Variants in GUCY1A1 observed in about 807,000 individuals in gnomAD.
GUCY1A1 encodes the protein guanylate cyclase 1 soluble subunit alpha 1.
Under a neutral mutation model 64.5 loss-of-function variants are expected in GUCY1A1, and 48 were observed. That is an observed-to-expected ratio of 0.74 (90% CI 0.59 to 0.95). The LOEUF (loss-of-function observed/expected upper bound fraction) is 0.95, where lower values mean the gene tolerates loss of function less well. GUCY1A1 is among the 40% of genes least tolerant of loss of function. GUCY1A1 has a pLI of 0.00. For synonymous variants in GUCY1A1, 308 were observed against 303.4 expected (o/e 1.02, Z -0.16); for missense variants, 804 against 825.3 (o/e 0.97, Z 0.32).
chr4:155,698,043 A>G (rs972870787), intron 3 of GUCY1A1, among the ~76,000 whole-genome samples: 1 of 152,242 alleles, frequency 6.6e-6, no homozygotes, highest in African/African-American at 2.4e-5. Context: ...GCAAAGCACC[A>G]AAGAAACATG....
At chr4:155,696,675 C>CT (rs1174559287) in intron 2 of GUCY1A1, 81 bp from the exon 3 acceptor site, 1 of 497,354 alleles carries the variant, frequency 2.0e-6, no homozygotes, top group African/African-American at 1.9e-5. Context: ...ATGACTATTG[C>CT]TTTTGCTCAC....
intron 2 of GUCY1A1, among the ~76,000 whole-genome samples, chr4:155,690,415 A>G (rs1729579458): frequency 6.6e-6 from 1 of 152,120 alleles, no homozygotes; most frequent in African/African-American, 2.4e-5. Context: ...TTTTCATTCT[A>G]CATTCCAAAT....
Position 155,732,716 on chromosome 4 carries a change from T to C in GUCY1A1, c.*2485T>C, listed in dbSNP as rs1325839533. ...CTGTAATCAGGTTGGGGATTACGGG[T>C]ACTGAGTTATGTTGCCATTTAACTA... On this transcript the variant is annotated 3_prime_UTR_variant, in exon 10 of 10. Coordinates refer to ENST00000506455, the MANE Select transcript of GUCY1A1 (RefSeq NM_001130682.3). Among the ~76,000 whole-genome samples, 1 of 151,816 alleles carries C rather than the reference T, an allele frequency of 6.6e-6. No individual in the cohort carries two copies. The highest frequency in any genetic ancestry group is 2.4e-5 in the African/African-American group (1 of 41,394).
At chr4:155,674,278 C>T (rs537664873) in intron 2 of GUCY1A1, among the ~76,000 whole-genome samples, 2 of 151,034 alleles carry the variant, frequency 1.3e-5, no homozygotes, top group Admixed American at 6.6e-5. Context: ...TGCTTGAACC[C>T]AGGAGGTGGA....
At chr4:155,681,623 G>A (rs777935277) in intron 2 of GUCY1A1, among the ~76,000 whole-genome samples, 5 of 151,962 alleles carry the variant, frequency 3.3e-5, no homozygotes, top group African/African-American at 4.8e-5. Flanking sequence ...TTTCGAACAC[G>A]TGTCCTCTTT....
At chr4:155,668,950 G>A (rs990608765) in intron 2 of GUCY1A1, among the ~76,000 whole-genome samples, 1 of 152,092 alleles carries the variant, frequency 6.6e-6, no homozygotes, top group Admixed American at 6.5e-5. Context: ...GCATTTTAAG[G>A]GAGATAGTAC....
At chr4:155,706,183 AAT>A (rs1165630619) in intron 4 of GUCY1A1, among the ~76,000 whole-genome samples, 1 of 152,186 alleles carries the variant, frequency 6.6e-6, no homozygotes, top group African/African-American at 2.4e-5. Flanking sequence ...GATGTCCCTA[AAT>A]ATAAAAAAAA....
chr4:155,695,933 T>C (rs78139457), intron 2 of GUCY1A1, among the ~76,000 whole-genome samples: 4,615 of 152,242 alleles, frequency 0.03, 237 homozygotes, highest in African/African-American at 0.1. Flanking sequence ...TAATGATAAA[T>C]GGGTTGTGAA....
At chr4:155,725,544 C>T (rs1249009701) in intron 9 of GUCY1A1, among the ~76,000 whole-genome samples, 1 of 152,040 alleles carries the variant, frequency 6.6e-6, no homozygotes, top group Non-Finnish European at 1.5e-5. Context: ...ACTGAGGAAT[C>T]CTACCTTAAA....
chr4:155,702,354 T>G (rs1369671243), intron 3 of GUCY1A1, among the ~76,000 whole-genome samples: 1 of 152,220 alleles, frequency 6.6e-6, no homozygotes, highest in Non-Finnish European at 1.5e-5. Context: ...TGGAGTAACT[T>G]TCTACTGTAC....
chr4:155,705,050 A>ATTTTTGTTTTGG (rs773879996), intron 4 of GUCY1A1, among the ~76,000 whole-genome samples: 4 of 151,850 alleles, frequency 2.6e-5, no homozygotes, highest in Non-Finnish European at 5.9e-5. Flanking sequence ...TGCTCACCTA[A>ATTTTTGTTTTGG]TTTTTGTTTT....
At chr4:155,668,412 A>AT (rs773376387) in intron 2 of GUCY1A1, among the ~76,000 whole-genome samples, 9 of 151,850 alleles carry the variant, frequency 5.9e-5, no homozygotes, top group African/African-American at 1.2e-4. Flanking sequence ...AATAGGACAG[A>AT]TTTTTTTTTC....
intron 1 of GUCY1A1, 154 bp downstream of exon 1, chr4:155,667,119 AAGGCAAGG>A (rs1384859446): frequency 6.6e-6 from 1 of 152,216 alleles, no homozygotes; most frequent in Non-Finnish European, 1.5e-5. Flanking sequence ...CAGAGAGACA[AAGGCAAGG>A]AGGACTGTCT....
At chr4:155,699,068 G>GATGTATTTATTT (rs1553997524) in intron 3 of GUCY1A1, among the ~76,000 whole-genome samples, 2 of 151,644 alleles carry the variant, frequency 1.3e-5, no homozygotes, top group African/African-American at 4.9e-5. Context: ...GGTTACTGTA[G>GATGTATTTATTT]ATTTATTTAT....
chr4:155,729,159 A>T (rs1331603377), intron 9 of GUCY1A1, among the ~76,000 whole-genome samples: 1 of 151,786 alleles, frequency 6.6e-6, no homozygotes, highest in African/African-American at 2.4e-5. Context: ...TGAGTAGAAG[A>T]CCATGGTCTG....
rs190312405 is a variant in GUCY1A1 at position 155,677,533 on chromosome 4, G to T, written c.-113+10114G>T. On this transcript the variant is annotated intron_variant, in intron 2 of 9. Coordinates refer to ENST00000506455, the MANE Select transcript of GUCY1A1 (RefSeq NM_001130682.3). Reference sequence around the variant, plus strand: ...AAGTGTTCTAGTTTCCTCTTTTTAAGCCAAGAATCCATCCTTAAATATAAG... The same window carrying T: ...AAGTGTTCTAGTTTCCTCTTTTTAATCCAAGAATCCATCCTTAAATATAAG... Among the ~76,000 whole-genome samples, 7 of 152,200 alleles carry T rather than the reference G, an allele frequency of 4.6e-5. No individual in the cohort carries two copies. In the East Asian group the frequency reaches 1.4e-3, roughly 29 times the overall value.
chr4:155,703,145 T>C (rs1390962481), intron 3 of GUCY1A1, among the ~76,000 whole-genome samples: 1 of 152,124 alleles, frequency 6.6e-6, no homozygotes, highest in Non-Finnish European at 1.5e-5. Flanking sequence ...AATTAATAGC[T>C]ACTCAACATG....
intron 2 of GUCY1A1, among the ~76,000 whole-genome samples, chr4:155,693,925 T>A (rs1730087982): frequency 6.6e-6 from 1 of 152,216 alleles, no homozygotes. Context: ...AATGGAAAGA[T>A]CTATTATAAA....
chr4:155,723,049 A>G (rs536603897), intron 9 of GUCY1A1, among the ~76,000 whole-genome samples: 1 of 152,214 alleles, frequency 6.6e-6, no homozygotes, highest in South Asian at 2.1e-4. Context: ...TCTATCCACA[A>G]GATTGATTTT....
Sources: allele counts gnomAD v4.1 joint callset (sites outside exome capture counted in the v4.1 genomes callset), GRCh38; gene constraint gnomAD v4.1.1; transcripts MANE v1.5; gene names NCBI Gene and HGNC (gene_info 2026-07-23, HGNC 2026-07-21).